Variants in ZC3H14 observed in about 807,000 individuals in gnomAD.
ZC3H14 encodes the protein zinc finger CCCH domain-containing protein 14.
In ZC3H14, 31 loss-of-function variants were observed where a neutral mutation model predicts 92.4. The ratio of observed to expected loss-of-function variants is 0.34; its 90% CI spans 0.25 to 0.45. The LOEUF (loss-of-function observed/expected upper bound fraction) is 0.45, where lower values mean the gene tolerates loss of function less well. ZC3H14 is among the 20% of genes least tolerant of loss of function. ZC3H14 has a pLI of 1.00. For synonymous variants in ZC3H14, 321 were observed against 300.9 expected, an observed-to-expected ratio of 1.07 and a Z score of -0.69; for missense variants, 781 against 897.3, an observed-to-expected ratio of 0.87 and a Z score of 1.66.
In ZC3H14 at chr14:88,563,148, C is replaced by T. The variant is rs1040278094; in HGVS notation, c.15C>T (p.Thr5=). The T allele has an allele frequency of 4.4e-6, 7 of 1,601,814 alleles. No homozygotes were observed. The highest frequency in any genetic ancestry group is 5.9e-6 in the Non-Finnish European group (7 of 1,176,708). MEIG[T]EISRKIRSAI... is the part of the protein sequence containing the mutation. ...GCCGCAGAGCCATGGAGATCGGCACCGAGATCAGCCGCAAGATCCGGGTGA... is the reference window on the plus strand; with the variant it reads ...GCCGCAGAGCCATGGAGATCGGCACTGAGATCAGCCGCAAGATCCGGGTGA... Residue 5 remains threonine (T), a synonymous_variant, in exon 1 of 17, where the codon ACC becomes ACT. Transcript: ENST00000251038.
At chr14:88,575,816 A>T in intron 7 of ZC3H14, 24 bp from the exon 8 acceptor site, 3 of 1,593,322 alleles carry the variant, frequency 1.9e-6, no homozygotes, top group Non-Finnish European at 2.6e-6. Context: ...AGTTTAATAA[A>T]AATACCTTTC....
chr14:88,611,617 C>G (rs1382808099), intron 16 of ZC3H14, 128 bp from the exon 17 acceptor site: 6 of 994,228 alleles, frequency 6.0e-6, no homozygotes, highest in Non-Finnish European at 9.0e-6. Context: ...TAAAAATCTG[C>G]CATTTATATT....
At chr14:88,597,150 T>A (rs948335648) in intron 10 of ZC3H14, among the ~76,000 whole-genome samples, 1 of 152,176 alleles carries the variant, frequency 6.6e-6, no homozygotes, top group Admixed American at 6.5e-5. Flanking sequence ...GTGGCTTTTG[T>A]ATCCTGTTTT....
chr14:88,573,036 A>C, intron 6 of ZC3H14, 29 bp downstream of exon 6: 2 of 1,612,132 alleles, frequency 1.2e-6, no homozygotes, highest in Non-Finnish European at 1.7e-6. Context: ...ATTCTGGCTT[A>C]GGCTAAAAAT....
Position 88,596,793 on chromosome 14 carries a change from C to G in ZC3H14, c.1339C>G (p.Leu447Val), listed in dbSNP as rs1244523052. The G allele has an allele frequency of 1.2e-6, 2 of 1,614,028 alleles. No homozygotes were observed. The highest frequency in any genetic ancestry group is 1.7e-4 in the Middle Eastern group (1 of 6,060). ...AATCGACCCAGTAATGGCAGAAACTCTGCAGATGAGTCAAGGTTGGTAATG... is the reference window on the plus strand; with the variant it reads ...AATCGACCCAGTAATGGCAGAAACTGTGCAGATGAGTCAAGGTTGGTAATG... ...LQIDPVMAETLQMSQDYYDME... is the reference protein window; with the variant it reads ...LQIDPVMAETVQMSQDYYDME... Residue 447 changes from leucine (L) to valine (V), a missense_variant, in exon 10 of 17, where the codon CTG (leucine) becomes GTG (valine). Leu to Val is a conservative substitution (Grantham distance 32). This residue lies in a region of ZC3H14 where 454 missense variants were observed against 438.5 expected (regional missense o/e 1.04). Transcript: ENST00000251038.
rs1334335487 is a variant in ZC3H14, at chr14:88,613,391, T to TATCA, written c.*1641_*1644dup. On this transcript the variant is annotated 3_prime_UTR_variant, in exon 17 of 17. Coordinates refer to ENST00000251038, the MANE Select transcript of ZC3H14 (RefSeq NM_024824.5). ...TTAAATATCTGGAAATACTTTTAGC[T>TATCA]ATCATTTATAAAGATAGTTTTGTTC... 28 of 152,144 alleles carry TATCA rather than the reference T, an allele frequency of 1.8e-4. No homozygotes were observed. Among genetic ancestry groups the TATCA allele is most frequent in the African/African-American group, 6.0e-4 (25 of 41,404 alleles). 9.4% of individuals were successfully genotyped at this position (152,144 alleles called of 1,614,324 possible). A position where few individuals can be genotyped will look rare whatever the true frequency, so the allele number is the denominator to read the frequency against.
At chr14:88,585,438 G>A (rs547480379) in intron 9 of ZC3H14, among the ~76,000 whole-genome samples, 2 of 149,682 alleles carry the variant, frequency 1.3e-5, no homozygotes, top group South Asian at 4.2e-4. Context: ...GTGTAGTAGC[G>A]CGATCTCGGC....
chr14:88,621,195 C>T lies in ZC3H14; in HGVS notation c.*9444C>T. 6.2e-7 allele frequency: 1 copy of T among 1,613,922 alleles called. No homozygotes were observed. Among genetic ancestry groups the T allele is most frequent in the Non-Finnish European group, 8.5e-7 (1 of 1,179,862 alleles). On this transcript the variant is annotated 3_prime_UTR_variant, in exon 17 of 17. Coordinates refer to ENST00000251038, the MANE Select transcript of ZC3H14 (RefSeq NM_024824.5). ...ATCCCTGGAAGGATGTGTTGCTAGT[C>T]CCCAGATTGGCCCATCCACATGACC...
At chr14:88,574,624 G>A (rs2080925758) in intron 6 of ZC3H14, 69 bp from the exon 7 acceptor site, 2 of 1,580,424 alleles carry the variant, frequency 1.3e-6, no homozygotes, top group African/African-American at 1.4e-5. Context: ...TCTTAAAATG[G>A]AAACATTTTG....
rs1361387750 is a variant in ZC3H14, at chr14:88,615,814, T to C, written c.*4063T>C. 1 of 1,611,132 alleles carries C rather than the reference T, an allele frequency of 6.2e-7. No homozygotes were observed. The highest frequency in any genetic ancestry group is 1.7e-5 in the Admixed American group (1 of 59,724). ...GTTAATTTCTGTAGTCATCTCAGCA[T>C]CTCTCAGTGAGGTGTATGTACACAT... is the stretch of plus-strand genomic sequence containing the variant. On this transcript the variant is annotated 3_prime_UTR_variant, in exon 17 of 17. Coordinates refer to ENST00000251038, the MANE Select transcript of ZC3H14 (RefSeq NM_024824.5).
At chr14:88,608,805 CT>C (rs543973692) in intron 13 of ZC3H14, 165 of 162,336 alleles carry the variant, frequency 1.0e-3, no homozygotes, top group Non-Finnish European at 1.7e-3. Flanking sequence ...TTTGGGGCTT[CT>C]TTTTTTTGCC....
intron 6 of ZC3H14, among the ~76,000 whole-genome samples, chr14:88,573,374 C>T (rs372532299): frequency 2.0e-5 from 3 of 151,920 alleles, no homozygotes; most frequent in East Asian, 3.9e-4. Flanking sequence ...AGCGAGACTC[C>T]GTCTCAACCA....
In ZC3H14 at chr14:88,620,605, C is replaced by CA; in HGVS notation, c.*8857dup. The CA allele has an allele frequency of 1.6e-6, 1 of 633,734 alleles. No homozygotes were observed. 39.3% of individuals were successfully genotyped at this position (633,734 alleles called of 1,614,324 possible). A position where few individuals can be genotyped will look rare whatever the true frequency, so the allele number is the denominator to read the frequency against. ...TTAGCAAGAAGAATTAAGTAGTATA[C>CA]AAACAGCCATATTTTAGCATACAAT... On this transcript the variant is annotated 3_prime_UTR_variant, in exon 17 of 17. Transcript: ENST00000251038. This position sits in a 1 kb window ranked among gnomAD's most constrained non-coding sequence, Gnocchi z 4.3.
chr14:88,622,642 G>C lies in ZC3H14; in HGVS notation c.*10891G>C. 1 of 1,607,662 alleles carries C rather than the reference G, an allele frequency of 6.2e-7. No homozygotes were observed. The highest frequency in any genetic ancestry group is 8.5e-7 in the Non-Finnish European group (1 of 1,177,612). ...ACAGAACGAACACAATCTGTGGCTT[G>C]TCCTGTCTCAAGCCTGAAGGCACGG... On this transcript the variant is annotated 3_prime_UTR_variant, in exon 17 of 17. Coordinates refer to ENST00000251038, the MANE Select transcript of ZC3H14 (RefSeq NM_024824.5).
intron 9 of ZC3H14, among the ~76,000 whole-genome samples, chr14:88,587,851 G>GAC: frequency 6.6e-6 from 1 of 152,000 alleles, no homozygotes; most frequent in East Asian, 1.9e-4. Context: ...CTACTCTGGA[G>GAC]AATTGCTTGA....
intron 3 of ZC3H14, 105 bp from the exon 4 acceptor site, chr14:88,570,979 T>C: frequency 1.1e-6 from 1 of 913,038 alleles, no homozygotes; most frequent in Middle Eastern, 3.7e-4. Context: ...TATAAAAAAA[T>C]TTAAAAAATT....
chr14:88,578,114 A>C lies in ZC3H14; in HGVS notation c.1253A>C (p.Lys418Thr), dbSNP rs1185865924. Residue 418 changes from lysine to threonine, a missense_variant, in exon 9 of 17, where the codon AAA (lysine) becomes ACA (threonine). Transcript: ENST00000251038. Reference protein sequence around the residue: ...ISPPIKEEETKGDSVEKNQGT... With the variant: ...ISPPIKEEETTGDSVEKNQGT... ...CCCCCCATTAAAGAAGAGGAAACAA[A>C]AGGAGATTCTGTAGAAAAAAATCAA... 6.2e-7 allele frequency: 1 copy of C among 1,614,122 alleles called. No homozygotes were observed. The highest frequency in any genetic ancestry group is 8.5e-7 in the Non-Finnish European group (1 of 1,180,012).
Position 88,563,642 on chromosome 14 carries a change from TTC to T in ZC3H14, c.37-4_37-3del. The T allele has an allele frequency of 6.2e-7, 1 of 1,614,212 alleles. No individual in the cohort carries two copies. Among genetic ancestry groups the T allele is most frequent in the Non-Finnish European group, 8.5e-7 (1 of 1,179,992 alleles). On this transcript the variant is annotated splice_region_variant and splice_polypyrimidine_tract_variant and intron_variant, in intron 1 of 16. Transcript: ENST00000251038. ...TTTCTCACATGCACGTTTGCTCTTT[TTC>T]TCTCAGAGTGCCATTAAGGGGAAAT...
At position 88,616,283 on chromosome 14, in the gene ZC3H14, C is replaced by T. The variant is rs1209975923; in HGVS notation, c.*4532C>T. ...AGACAAGCTCAGGGCATTTGGTGCA[C>T]ACAGAAGTCAAAGGCTCTTATTAGG... On this transcript the variant is annotated 3_prime_UTR_variant, in exon 17 of 17. Coordinates refer to ENST00000251038, the MANE Select transcript of ZC3H14 (RefSeq NM_024824.5). 6 of 1,584,548 alleles carry T rather than the reference C, an allele frequency of 3.8e-6. No homozygotes were observed. The highest frequency in any genetic ancestry group is 5.2e-6 in the Non-Finnish European group (6 of 1,153,558).
Sources: allele counts gnomAD v4.1 joint callset (sites outside exome capture counted in the v4.1 genomes callset), GRCh38; gene constraint gnomAD v4.1.1; regional missense constraint gnomAD v4.1.1; non-coding constraint Gnocchi (gnomAD v3.1); transcripts MANE v1.5; gene names NCBI Gene and HGNC (gene_info 2026-07-23, HGNC 2026-07-21).